The following MAEA variants were observed in gnomAD, a reference collection of about 807,000 sequenced individuals.
The protein encoded by MAEA is E3 ubiquitin-protein transferase MAEA.
Under a neutral mutation model 46.2 loss-of-function variants are expected in MAEA, and 22 were observed. The ratio of observed to expected loss-of-function variants is 0.48; its 90% CI spans 0.34 to 0.68. The LOEUF is 0.68. Ranked by LOEUF, MAEA falls within the 30% of genes least tolerant of loss-of-function variation. The pLI is 0.01. For synonymous variants in MAEA, 246 were observed against 222.6 expected, an observed-to-expected ratio of 1.11 and a Z score of -0.94; for missense variants, 393 against 558.1, an observed-to-expected ratio of 0.70 and a Z score of 2.98.
chr4:1,301,673 C>T (rs1015768543), intron 1 of MAEA, among the ~76,000 whole-genome samples: 1 of 152,108 alleles, frequency 6.6e-6, no homozygotes, highest in East Asian at 1.9e-4. Flanking sequence ...TGCACTCCAG[C>T]CTGAGCAGCA....
chr4:1,314,868 C>T (rs545765187), intron 2 of MAEA, among the ~76,000 whole-genome samples: 4 of 152,274 alleles, frequency 2.6e-5, no homozygotes, highest in East Asian at 3.9e-4. Flanking sequence ...AGTAGTCAGT[C>T]GCCGTGTGTG....
chr4:1,338,339 C>A, intron 7 of MAEA, 83 bp from the exon 8 acceptor site: 1 of 1,133,520 alleles, frequency 8.8e-7, no homozygotes, highest in Non-Finnish European at 1.3e-6. Context: ...GGGCACGCAG[C>A]CCAGGGCAGA....
chr4:1,321,873 G>GTTTTTT (rs4045167), intron 3 of MAEA, among the ~76,000 whole-genome samples: 2 of 140,438 alleles, frequency 1.4e-5, no homozygotes, highest in African/African-American at 5.2e-5. Context: ...TTTTTTTGTT[G>GTTTTTT]TTTTTTTTTT....
At chr4:1,300,509 A>G (rs1735208141) in intron 1 of MAEA, among the ~76,000 whole-genome samples, 1 of 152,346 alleles carries the variant, frequency 6.6e-6, no homozygotes, top group East Asian at 1.9e-4. Flanking sequence ...GCCCGCTTGC[A>G]GTCTCTGTTG....
chr4:1,334,070 CCGTGTGCT>C (rs1712349265), intron 6 of MAEA, among the ~76,000 whole-genome samples: 1 of 20,784 alleles, frequency 4.8e-5, no homozygotes, highest in Non-Finnish European at 9.5e-5. Flanking sequence ...ACCCCCATGC[CCGTGTGCT>C]CACCCCTGCA....
At position 1,322,452 on chromosome 4, in the gene MAEA, C is replaced by T; in HGVS notation, c.528C>T (p.Ala176=). 1.2e-6 allele frequency: 2 copies of T among 1,614,056 alleles called. No homozygotes were observed. The highest frequency in any genetic ancestry group is 2.2e-5 in the South Asian group (2 of 91,090). ...VEESLERRET[A]TCLAWCHDNK... ...AGTCCCTGGAGAGGCGTGAGACGGC[C>T]ACCTGCCTGGCCTGGTGCCATGACA... The change falls in exon 4 of 9, where the codon GCC becomes GCT. Residue 176 remains alanine, a synonymous_variant. Transcript: ENST00000303400.
Position 1,311,529 on chromosome 4 carries a change from T to C in MAEA, c.70-450T>C, listed in dbSNP as rs1306243569. Among the ~76,000 whole-genome samples the C allele has an allele frequency of 1.3e-5, 2 of 152,148 alleles. No homozygotes were observed. The highest frequency in any genetic ancestry group is 2.9e-5 in the Non-Finnish European group (2 of 68,028). ...GCTTGCTGTGCCCAACCCCAGCCCGTGTGGAGCCCACGCCCCATGCACCCT... is the reference window on the plus strand; with the variant it reads ...GCTTGCTGTGCCCAACCCCAGCCCGCGTGGAGCCCACGCCCCATGCACCCT... On this transcript the variant is annotated intron_variant, in intron 1 of 8. Coordinates refer to ENST00000303400, the MANE Select transcript of MAEA (RefSeq NM_001017405.3). The surrounding 1 kb of genome is among the most constrained non-coding windows in gnomAD (Gnocchi z 4.4).
chr4:1,294,809 GGGGGCAGGGGCA>G (rs1296172223), intron 1 of MAEA, among the ~76,000 whole-genome samples: 4 of 148,506 alleles, frequency 2.7e-5, no homozygotes, highest in South Asian at 4.3e-4. Flanking sequence ...GGGTGGGGCC[GGGGGCAGGGGCA>G]GGGGCAGGGG....
chr4:1,291,161 T>C (rs1213051667), intron 1 of MAEA, among the ~76,000 whole-genome samples: 3 of 152,282 alleles, frequency 2.0e-5, no homozygotes, highest in East Asian at 1.9e-4. Flanking sequence ...TAACTAGCGG[T>C]TTATTTCATA....
At chr4:1,295,069 G>T (rs1264723223) in intron 1 of MAEA, among the ~76,000 whole-genome samples, 1 of 152,116 alleles carries the variant, frequency 6.6e-6, no homozygotes, top group East Asian at 1.9e-4. Flanking sequence ...GGGTACAGGG[G>T]TCAGCAGAAT....
chr4:1,335,362 A>C (rs1286108228), intron 6 of MAEA: 2 of 985,388 alleles, frequency 2.0e-6, no homozygotes, highest in South Asian at 4.7e-5. Context: ...GTTGATTCAC[A>C]AGTGAGTGTA....
intron 2 of MAEA, among the ~76,000 whole-genome samples, chr4:1,312,798 G>A (rs570892182): frequency 1.9e-4 from 29 of 152,176 alleles, no homozygotes; most frequent in Non-Finnish European, 3.7e-4. Flanking sequence ...GGGATTGGTG[G>A]ACAGGGGCCT....
intron 1 of MAEA, among the ~76,000 whole-genome samples, chr4:1,303,408 A>AAAAAAAAAG (rs1284160869): frequency 2.6e-5 from 4 of 151,388 alleles, no homozygotes; most frequent in African/African-American, 9.7e-5. Context: ...TCAAAAAAAA[A>AAAAAAAAAG]AAAGAATGTC....
intron 1 of MAEA, among the ~76,000 whole-genome samples, chr4:1,290,529 C>T (rs1239026804): frequency 6.6e-6 from 1 of 152,230 alleles, no homozygotes; most frequent in Non-Finnish European, 1.5e-5. Flanking sequence ...CTTGGGTGGT[C>T]ACCTAGCCAC....
At chr4:1,313,235 AG>A (rs1736735111) in intron 2 of MAEA, among the ~76,000 whole-genome samples, 1 of 152,164 alleles carries the variant, frequency 6.6e-6, no homozygotes, top group Non-Finnish European at 1.5e-5. Flanking sequence ...TTTCTTGGGG[AG>A]GATACCTTCA....
chr4:1,303,978 G>A (rs552215597), intron 1 of MAEA, among the ~76,000 whole-genome samples: 1 of 151,736 alleles, frequency 6.6e-6, no homozygotes, highest in South Asian at 2.1e-4. Context: ...CGTCCGTGGT[G>A]TGTAGCTCTG....
At position 1,339,505 on chromosome 4, in the gene MAEA, G is replaced by A. The variant is rs1577254126; in HGVS notation, c.*336G>A. Reference sequence around the variant, plus strand: ...AAATATAGGAGTCCGTGATTTCCCTGTGTTTTCAGTTTCTTTCCTTCTGTG... The same window carrying A: ...AAATATAGGAGTCCGTGATTTCCCTATGTTTTCAGTTTCTTTCCTTCTGTG... On this transcript the variant is annotated 3_prime_UTR_variant, in exon 9 of 9. Transcript: ENST00000303400. 1 of 305,456 alleles carries A rather than the reference G, an allele frequency of 3.3e-6. No individual in the cohort carries two copies. The highest frequency in any genetic ancestry group is 2.2e-5 in the African/African-American group (1 of 45,282). The allele number at this position is 305,456 out of a possible 1,614,324, so 18.9% of individuals were successfully genotyped here.
chr4:1,337,441 G>T, intron 7 of MAEA: 1 of 221,176 alleles, frequency 4.5e-6, no homozygotes, highest in South Asian at 4.7e-5. Context: ...CATCCTGCCT[G>T]TGACTCTGTC....
Position 1,340,004 on chromosome 4 carries a change from A to C in MAEA, c.*835A>C, listed in dbSNP as rs1446762920. ...AGAAGTACTGATGACTTTTCAAAACAAATGAACCACCGTAGCTGACAGAGA... is the reference window on the plus strand; with the variant it reads ...AGAAGTACTGATGACTTTTCAAAACCAATGAACCACCGTAGCTGACAGAGA... On this transcript the variant is annotated 3_prime_UTR_variant, in exon 9 of 9. Transcript: ENST00000303400. The C allele has an allele frequency of 6.5e-6, 1 of 152,826 alleles. No homozygotes were observed. The highest frequency in any genetic ancestry group is 1.9e-4 in the East Asian group (1 of 5,192). 9.5% of individuals were successfully genotyped at this position (152,826 alleles called of 1,614,324 possible). A position where few individuals can be genotyped will look rare whatever the true frequency, so the allele number is the denominator to read the frequency against.
Sources: allele counts gnomAD v4.1 joint callset (sites outside exome capture counted in the v4.1 genomes callset), GRCh38; gene constraint gnomAD v4.1.1; non-coding constraint Gnocchi (gnomAD v3.1); transcripts MANE v1.5; gene names NCBI Gene and HGNC (gene_info 2026-07-23, HGNC 2026-07-21).